Variants in ADD3 observed in about 807,000 individuals in gnomAD.
ADD3 encodes adducin 3, also known as gamma-adducin.
ADD3 carries 25 observed loss-of-function variants against 80.2 expected under a neutral mutation model. The observed-to-expected ratio is 0.31, with a 90% confidence interval of 0.23 to 0.44. ADD3 has a LOEUF of 0.44. ADD3 is among the 20% of genes least tolerant of loss of function. The probability of loss-of-function intolerance (pLI) is 1.00; values close to 1 mark genes in which losing one functional copy is unlikely to be tolerated. For missense variants in ADD3, 829 were observed against 847.5 expected (o/e 0.98, Z 0.27); for synonymous variants, 284 against 289.6 (o/e 0.98, Z 0.20).
intron 1 of ADD3, among the ~76,000 whole-genome samples, chr10:110,066,433 C>T (rs1016574764): frequency 6.6e-6 from 1 of 152,102 alleles, no homozygotes; most frequent in Non-Finnish European, 1.5e-5. Flanking sequence ...GACAGTTTCA[C>T]TGTGTTAGCC....
At chr10:110,010,726 G>A (rs895918818) in intron 1 of ADD3, among the ~76,000 whole-genome samples, 1 of 152,208 alleles carries the variant, frequency 6.6e-6, no homozygotes, top group Admixed American at 6.5e-5. Flanking sequence ...GCATGGAGAG[G>A]TTAAGTATCT....
intron 12 of ADD3, among the ~76,000 whole-genome samples, chr10:110,126,905 T>C (rs536569820): frequency 6.6e-6 from 1 of 152,358 alleles, no homozygotes; most frequent in East Asian, 1.9e-4. Context: ...TTTTAGACCT[T>C]GACTATTTTT....
chr10:110,062,409 C>T (rs924163772), intron 1 of ADD3, among the ~76,000 whole-genome samples: 1 of 132,740 alleles, frequency 7.5e-6, no homozygotes, highest in Non-Finnish European at 1.5e-5. Context: ...AGTGAAACTC[C>T]ATCTCAAAAA....
At chr10:110,018,325 C>T (rs1044771152) in intron 1 of ADD3, among the ~76,000 whole-genome samples, 4 of 151,378 alleles carry the variant, frequency 2.6e-5, no homozygotes, top group African/African-American at 7.3e-5. Flanking sequence ...GTCAGGAGTT[C>T]GAGACCAGCA....
At chr10:110,132,036 A>G (rs1268121662) in intron 13 of ADD3, among the ~76,000 whole-genome samples, 3 of 152,220 alleles carry the variant, frequency 2.0e-5, no homozygotes, top group Non-Finnish European at 2.9e-5. Flanking sequence ...GCTACATGCA[A>G]CATATCATTT....
intron 1 of ADD3, among the ~76,000 whole-genome samples, chr10:110,053,777 C>G (rs1317140680): frequency 6.6e-6 from 1 of 152,124 alleles, no homozygotes; most frequent in Non-Finnish European, 1.5e-5. Flanking sequence ...CATGTACACA[C>G]TGGTGTTGAA....
At chr10:110,006,730 T>C (rs991881526), upstream of ADD3, among the ~76,000 whole-genome samples, 2 of 83,498 alleles carry the variant, frequency 2.4e-5, no homozygotes, top group African/African-American at 9.1e-5. Flanking sequence ...TACATTTTAA[T>C]TAGCACATTT....
intron 1 of ADD3, among the ~76,000 whole-genome samples, chr10:110,100,115 G>A (rs1185548424): frequency 1.3e-5 from 2 of 152,126 alleles, no homozygotes; most frequent in Admixed American, 6.5e-5. Context: ...TTGGGAGGCC[G>A]AGGTGGGCAG....
chr10:110,122,471 T>C (rs534520372), intron 9 of ADD3, among the ~76,000 whole-genome samples, 179 bp downstream of exon 9: 1 of 145,266 alleles, frequency 6.9e-6, no homozygotes, highest in African/African-American at 2.7e-5. Context: ...AAATGTCGTG[T>C]TTTTTTTTTA....
At chr10:110,079,298 GT>G (rs1488022709) in intron 1 of ADD3, 4 of 151,938 alleles carry the variant, frequency 2.6e-5, no homozygotes, top group African/African-American at 9.7e-5. Flanking sequence ...CTTTTAAAAG[GT>G]AATTTTACTA....
chr10:110,031,041 C>G (rs1163905781), intron 1 of ADD3, among the ~76,000 whole-genome samples: 1 of 152,022 alleles, frequency 6.6e-6, no homozygotes, highest in Non-Finnish European at 1.5e-5. Flanking sequence ...TTTGGGAGAC[C>G]GAGGCAGGTG....
At chr10:110,107,381 G>C (rs1849507366) in intron 2 of ADD3, among the ~76,000 whole-genome samples, 1 of 152,120 alleles carries the variant, frequency 6.6e-6, no homozygotes, top group Non-Finnish European at 1.5e-5. Flanking sequence ...TACTTCCATT[G>C]GATGAAGTAG....
At chr10:109,996,902 A>T (rs1851391327) in intron 1 of ADD3, among the ~76,000 whole-genome samples, 1 of 152,190 alleles carries the variant, frequency 6.6e-6, no homozygotes, top group South Asian at 2.1e-4. Context: ...GCTATCATAC[A>T]TTTACACTTT....
chr10:110,116,597 C>A (rs1454856940), intron 4 of ADD3, among the ~76,000 whole-genome samples, 187 bp downstream of exon 4: 2 of 152,204 alleles, frequency 1.3e-5, no homozygotes, highest in Non-Finnish European at 2.9e-5. Context: ...CACCTTTCTT[C>A]TCCCCTTACT....
chr10:110,072,611 A>G (rs1844869982), intron 1 of ADD3, among the ~76,000 whole-genome samples: 1 of 152,188 alleles, frequency 6.6e-6, no homozygotes, highest in Non-Finnish European at 1.5e-5. Context: ...GGCATCCCTC[A>G]AATAGGAAAT....
At chr10:110,095,908 T>C (rs896973425) in intron 1 of ADD3, among the ~76,000 whole-genome samples, 1 of 152,208 alleles carries the variant, frequency 6.6e-6, no homozygotes, top group Non-Finnish European at 1.5e-5. Flanking sequence ...TAAATGACAA[T>C]TATAGCAATA....
At chr10:110,034,039 G>A (rs1855357049) in intron 1 of ADD3, among the ~76,000 whole-genome samples, 2 of 152,292 alleles carry the variant, frequency 1.3e-5, no homozygotes, top group South Asian at 4.1e-4. Context: ...TTAAAACTCA[G>A]TGTGTCTCAA....
At chr10:110,062,802 A>G (rs577844140) in intron 1 of ADD3, among the ~76,000 whole-genome samples, 1 of 152,334 alleles carries the variant, frequency 6.6e-6, no homozygotes, top group Non-Finnish European at 1.5e-5. Context: ...CCAGATTCTT[A>G]AACTATGAGA....
rs558546721 is a variant in ADD3 at position 110,048,866 on chromosome 10, C to G, written c.-30+40567C>G. Among the ~76,000 whole-genome samples the G allele has an allele frequency of 2.0e-5, 3 of 152,278 alleles. No individual in the cohort carries two copies. In the East Asian group the frequency reaches 5.8e-4, roughly 29 times the overall value. ...AATTCAAGCTGGCTGCAGAAATTTG[C>G]AGAAGTGATGAGGAGCCAAATGTTA... On this transcript the variant is annotated intron_variant, in intron 1 of 14. Coordinates refer to ENST00000356080, the MANE Select transcript of ADD3 (RefSeq NM_016824.5).
Sources: allele counts gnomAD v4.1 joint callset (sites outside exome capture counted in the v4.1 genomes callset), GRCh38; gene constraint gnomAD v4.1.1; transcripts MANE v1.5; gene names NCBI Gene and HGNC (gene_info 2026-07-23, HGNC 2026-07-21).